MRPL13: variants seen among roughly 807,000 people sequenced by gnomAD.
The protein encoded by MRPL13 is mitochondrial ribosomal protein L13.
MRPL13 carries 33 observed loss-of-function variants against 29.0 expected under a neutral mutation model. The observed-to-expected ratio is 1.14, with a 90% CI of 0.86 to 1.52. The LOEUF is 1.52. Ranked by LOEUF, MRPL13 falls within the 40% of genes most tolerant of loss-of-function variation. MRPL13 has a pLI of 0.00. For synonymous variants in MRPL13, 77 were observed against 68.4 expected, an observed-to-expected ratio of 1.13 and a Z score of -0.62; for missense variants, 227 against 216.7, an observed-to-expected ratio of 1.05 and a Z score of -0.30.
At chr8:120,424,321 A>AAAT (rs1363662054) in intron 4 of MRPL13, among the ~76,000 whole-genome samples, 1 of 152,118 alleles carries the variant, frequency 6.6e-6, no homozygotes, top group Non-Finnish European at 1.5e-5. Context: ...ATTGACAGGA[A>AAAT]AAAAAATAAA....
At chr8:120,444,882 G>A in intron 1 of MRPL13, 186 bp downstream of exon 1, 1 of 614,804 alleles carries the variant, frequency 1.6e-6, no homozygotes, top group African/African-American at 1.8e-5. Flanking sequence ...AAGAGGGGAC[G>A]AGTAACAGAC....
chr8:120,399,010 A>G (rs939997916), intron 6 of MRPL13, among the ~76,000 whole-genome samples: 1 of 151,968 alleles, frequency 6.6e-6, no homozygotes, highest in East Asian at 1.9e-4. Context: ...GTAAAAACCT[A>G]TGACTAATTG....
chr8:120,425,792 T>C lies in MRPL13; in HGVS notation c.246-426A>G, dbSNP rs574187403. Among the ~76,000 whole-genome samples, 7 of 152,284 alleles carry C rather than the reference T, an allele frequency of 4.6e-5. No individual in the cohort carries two copies. In the South Asian group the frequency reaches 1.4e-3, roughly 32 times the overall value. ...TCCACTTGGTTCTGAATTAAGTTCA[T>C]ACTCTAGACAGCCAGTAATCATGTT... On this transcript the variant is annotated intron_variant, in intron 3 of 6. Transcript: ENST00000306185.
At chr8:120,420,006 A>G (rs1487197568) in intron 4 of MRPL13, 68 bp from the exon 5 acceptor site, 1 of 1,019,808 alleles carries the variant, frequency 9.8e-7, no homozygotes, top group Non-Finnish European at 1.4e-6. Flanking sequence ...AAACATAATT[A>G]GAGATGATGA....
chr8:120,396,160 CATT>C, intron 6 of MRPL13, 35 bp from the exon 7 acceptor site: 1 of 1,511,780 alleles, frequency 6.6e-7, no homozygotes, highest in African/African-American at 1.4e-5. Context: ...CTTCATGAAT[CATT>C]ATTTTGTTTT....
At chr8:120,444,988 C>T in intron 1 of MRPL13, 80 bp downstream of exon 1, 1 of 1,595,398 alleles carries the variant, frequency 6.3e-7, no homozygotes, top group Non-Finnish European at 8.6e-7. Flanking sequence ...GCCCCAGCTT[C>T]ACTACTTAAT....
At chr8:120,412,115 A>G (rs1379398378) in intron 6 of MRPL13, among the ~76,000 whole-genome samples, 1 of 152,168 alleles carries the variant, frequency 6.6e-6, no homozygotes, top group African/African-American at 2.4e-5. Context: ...TATTATTTCT[A>G]ATTTTAAAAA....
At chr8:120,427,113 T>C (rs1248134528) in intron 3 of MRPL13, among the ~76,000 whole-genome samples, 1 of 152,048 alleles carries the variant, frequency 6.6e-6, no homozygotes, top group Non-Finnish European at 1.5e-5. Flanking sequence ...CTACAGTAAA[T>C]GACATAAAAA....
chr8:120,420,355 T>C (rs1026287036), intron 4 of MRPL13, among the ~76,000 whole-genome samples: 1 of 150,944 alleles, frequency 6.6e-6, no homozygotes, highest in Non-Finnish European at 1.5e-5. Flanking sequence ...CCTCATTACA[T>C]GCAAAAGCTA....
chr8:120,422,589 C>T (rs1013306481), intron 4 of MRPL13, among the ~76,000 whole-genome samples: 4 of 145,308 alleles, frequency 2.8e-5, no homozygotes, highest in Non-Finnish European at 6.0e-5. Context: ...TATATATAAA[C>T]ATATATAAAC....
chr8:120,400,497 A>G (rs1305031119), intron 6 of MRPL13, among the ~76,000 whole-genome samples: 2 of 152,140 alleles, frequency 1.3e-5, no homozygotes, highest in East Asian at 3.9e-4. Context: ...GGAAATTTGT[A>G]GCACTAAATG....
intron 2 of MRPL13, among the ~76,000 whole-genome samples, chr8:120,439,043 G>T (rs144274112): frequency 6.6e-6 from 1 of 152,190 alleles, no homozygotes; most frequent in East Asian, 1.9e-4. Flanking sequence ...TTGCCTACTT[G>T]TTAAAATTTA....
chr8:120,435,416 G>A (rs1429400234), intron 2 of MRPL13, among the ~76,000 whole-genome samples: 3 of 152,012 alleles, frequency 2.0e-5, no homozygotes. Context: ...ATGCCCAGGA[G>A]TACCCAATGT....
chr8:120,424,556 T>C (rs981278438), intron 4 of MRPL13, among the ~76,000 whole-genome samples: 2 of 151,882 alleles, frequency 1.3e-5, no homozygotes, highest in Non-Finnish European at 2.9e-5. Flanking sequence ...CTTGAGCCCA[T>C]GAGTTTGAGA....
At chr8:120,424,679 T>C (rs1812912529) in intron 4 of MRPL13, among the ~76,000 whole-genome samples, 1 of 151,990 alleles carries the variant, frequency 6.6e-6, no homozygotes, top group African/African-American at 2.4e-5. Context: ...GGTGGGAAGA[T>C]CCCTTGAGCC....
At chr8:120,404,289 C>T (rs1812640049) in intron 6 of MRPL13, among the ~76,000 whole-genome samples, 1 of 152,192 alleles carries the variant, frequency 6.6e-6, no homozygotes, top group African/African-American at 2.4e-5. Context: ...TGTTTAGTCA[C>T]AGTCACCAGT....
At chr8:120,444,189 G>A (rs1246546899) in intron 1 of MRPL13, among the ~76,000 whole-genome samples, 1 of 152,096 alleles carries the variant, frequency 6.6e-6, no homozygotes, top group Admixed American at 6.6e-5. Flanking sequence ...AATGCTGGGC[G>A]ATGTCAGATT....
At chr8:120,413,142 T>A (rs1749404599) in intron 6 of MRPL13, among the ~76,000 whole-genome samples, 2 of 152,212 alleles carry the variant, frequency 1.3e-5, no homozygotes, top group Admixed American at 1.3e-4. Context: ...TGGTCTTTGC[T>A]TCATATTTTC....
rs1423634054 is a variant in MRPL13, at chr8:120,445,075, G to T, written c.20C>A (p.Ala7Glu). 1.2e-6 allele frequency: 2 copies of T among 1,613,890 alleles called. No individual in the cohort carries two copies. Among genetic ancestry groups the T allele is most frequent in the East Asian group, 4.5e-5 (2 of 44,830 alleles). ...ATAAGAGTCCGAGCTCACCTGGGGC[G>T]CCCTAGAGAAACTCGACATATTCCT... is the stretch of plus-strand genomic sequence containing the variant. MSSFSR[A>E]PQQWATFARI... The change falls in exon 1 of 7, where the codon GCG becomes GAG. Residue 7 changes from alanine (A) to glutamate (E), a missense_variant. Physicochemically the swap from Ala to Glu is moderately radical, Grantham distance 107. Transcript: ENST00000306185.
Sources: gnomAD v4.1 joint callset for allele counts (sites outside exome capture counted in the v4.1 genomes callset) on GRCh38, gnomAD v4.1.1 for gene constraint, MANE v1.5 for transcripts, NCBI Gene and HGNC (gene_info 2026-07-23, HGNC 2026-07-21) for gene names.